XRCC4: variants seen among roughly 807,000 people sequenced by gnomAD.
XRCC4 encodes the protein X-ray repair cross complementing 4.
XRCC4 carries 28 observed loss-of-function variants against 39.1 expected under a neutral mutation model. That is an observed-to-expected ratio of 0.72 (90% CI 0.53 to 0.98). The LOEUF (loss-of-function observed/expected upper bound fraction) is 0.98, where lower values mean the gene tolerates loss of function less well. XRCC4 is among the 50% of genes least tolerant of loss of function. The probability of loss-of-function intolerance (pLI) is 0.00; values close to 1 mark genes in which losing one functional copy is unlikely to be tolerated. For synonymous variants in XRCC4, 123 were observed against 126.4 expected (o/e 0.97, Z 0.18); for missense variants, 350 against 376.4 (o/e 0.93, Z 0.58).
Position 83,283,024 on chromosome 5 carries a change from G to A in XRCC4, c.893+24347G>A, listed in dbSNP as rs1265264116. 8.4e-5 allele frequency among the ~76,000 whole-genome samples: 11 copies of A among 130,996 alleles called. No individual in the cohort carries two copies. The South Asian group carries it at 1.2e-3, about 14-fold the overall frequency. 85.9% of individuals were successfully genotyped at this position (130,996 alleles called of 152,430 possible). ...CTGTGTTTTCCATATTGTCTACAGC[G>A]AACATGGTACTTACTATAGCCAGAC... On this transcript the variant is annotated intron_variant, in intron 7 of 7. Transcript: ENST00000396027.
At chr5:83,122,482 A>C (rs1042888568) in intron 3 of XRCC4, among the ~76,000 whole-genome samples, 1 of 152,138 alleles carries the variant, frequency 6.6e-6, no homozygotes, top group South Asian at 2.1e-4. Context: ...CCTCCACCCC[A>C]AAAATTATCT....
At chr5:83,196,759 C>G (rs28360143) in intron 4 of XRCC4, among the ~76,000 whole-genome samples, 11,890 of 151,084 alleles carry the variant, frequency 0.079, 871 homozygotes, top group African/African-American at 0.19. Flanking sequence ...ATTAGTACAT[C>G]CAGTAGATTT....
chr5:83,138,224 CATT>C (rs1747993878), intron 3 of XRCC4, among the ~76,000 whole-genome samples: 1 of 152,136 alleles, frequency 6.6e-6, no homozygotes, highest in Admixed American at 6.5e-5. Context: ...TCAGAGCACA[CATT>C]ATATGTACCT....
At chr5:83,107,803 T>G (rs1746268970) in intron 2 of XRCC4, among the ~76,000 whole-genome samples, 1 of 151,952 alleles carries the variant, frequency 6.6e-6, no homozygotes, top group Non-Finnish European at 1.5e-5. Context: ...AAATATTTTT[T>G]GACTTATATG....
chr5:83,361,529 T>A, the XRCC4 span, among the ~76,000 whole-genome samples: 3 of 152,184 alleles, frequency 2.0e-5, no homozygotes, highest in Non-Finnish European at 4.4e-5. Context: ...TAGCAGAACT[T>A]ATTAAAAGTT....
chr5:83,207,758 G>A (rs1484042531), intron 6 of XRCC4, among the ~76,000 whole-genome samples: 2 of 151,966 alleles, frequency 1.3e-5, no homozygotes, highest in African/African-American at 4.8e-5. Flanking sequence ...TATGTTTTTA[G>A]TCCATGAGAG....
intron 7 of XRCC4, among the ~76,000 whole-genome samples, chr5:83,335,472 G>A (rs1391297401): frequency 3.9e-5 from 6 of 151,920 alleles, no homozygotes; most frequent in African/African-American, 1.4e-4. Flanking sequence ...CCTTCTGTAA[G>A]AGAAGATGTG....
chr5:83,144,017 A>C (rs1748310805), intron 3 of XRCC4, among the ~76,000 whole-genome samples: 1 of 151,996 alleles, frequency 6.6e-6, no homozygotes, highest in Non-Finnish European at 1.5e-5. Context: ...ATTAGTCTAC[A>C]TTCTACCCTA....
chr5:83,316,453 A>G (rs1256669300), intron 7 of XRCC4, among the ~76,000 whole-genome samples: 1 of 151,278 alleles, frequency 6.6e-6, no homozygotes, highest in Non-Finnish European at 1.5e-5. Context: ...GTATTCAGGA[A>G]ACCCATCTCA....
chr5:83,130,809 G>A (rs191849855), intron 3 of XRCC4, among the ~76,000 whole-genome samples: 35 of 152,158 alleles, frequency 2.3e-4, no homozygotes, highest in Non-Finnish European at 4.4e-4. Context: ...TGGGATCGTT[G>A]GTGATATCCC....
intron 4 of XRCC4, among the ~76,000 whole-genome samples, chr5:83,199,665 G>T (rs1403225394): frequency 6.6e-6 from 1 of 151,652 alleles, no homozygotes; most frequent in Non-Finnish European, 1.5e-5. Flanking sequence ...CTCCTAGTTT[G>T]TTATTGTTTT....
At chr5:83,233,070 A>G (rs943164073) in intron 6 of XRCC4, among the ~76,000 whole-genome samples, 2 of 152,178 alleles carry the variant, frequency 1.3e-5, no homozygotes, top group Non-Finnish European at 2.9e-5. Context: ...ACCATTTTTT[A>G]TGGGTGAACT....
rs569413325 is a variant in XRCC4 at position 83,123,718 on chromosome 5, A to G, written c.315+12515A>G. The stretch of plus-strand genomic sequence containing the variant: ...TTTATGCTATTTTTATGTTTGCTTT[A>G]GGGTTTATAGCATACATCTTTACCT... On this transcript the variant is annotated intron_variant, in intron 3 of 7. Coordinates refer to ENST00000396027, the MANE Select transcript of XRCC4 (RefSeq NM_003401.5). 2.4e-4 allele frequency among the ~76,000 whole-genome samples: 36 copies of G among 151,808 alleles called. No homozygotes were observed. In the South Asian group the frequency reaches 7.5e-3, roughly 32 times the overall value.
chr5:83,100,887 A>G (rs1305385068), intron 1 of XRCC4, among the ~76,000 whole-genome samples: 1 of 152,170 alleles, frequency 6.6e-6, no homozygotes, highest in Non-Finnish European at 1.5e-5. Context: ...TGTATTGACT[A>G]ATTGATCTAA....
At chr5:83,125,477 T>C (rs1304608699) in intron 3 of XRCC4, among the ~76,000 whole-genome samples, 1 of 152,224 alleles carries the variant, frequency 6.6e-6, no homozygotes, top group African/African-American at 2.4e-5. Context: ...GAGGTTGAGG[T>C]TCACTTTCTT....
chr5:83,091,111 T>A (rs1283598264), intron 1 of XRCC4, among the ~76,000 whole-genome samples: 1 of 152,184 alleles, frequency 6.6e-6, no homozygotes, highest in Non-Finnish European at 1.5e-5. Context: ...GACTTATTTC[T>A]CATATATAAC....
intron 1 of XRCC4, among the ~76,000 whole-genome samples, chr5:83,083,893 A>G (rs1745069882): frequency 6.6e-6 from 1 of 152,228 alleles, no homozygotes. Flanking sequence ...ATAATATTAG[A>G]TGTAACTCAA....
chr5:83,109,490 A>G (rs1746346880), intron 2 of XRCC4, among the ~76,000 whole-genome samples: 1 of 151,984 alleles, frequency 6.6e-6, no homozygotes, highest in Non-Finnish European at 1.5e-5. Flanking sequence ...GAAATTATAC[A>G]ACCATATGAG....
At chr5:83,373,593 A>G in the XRCC4 span, among the ~76,000 whole-genome samples, 1 of 152,208 alleles carries the variant, frequency 6.6e-6, no homozygotes, top group African/African-American at 2.4e-5. Context: ...TTTGAGTTCC[A>G]TAATGAGAAA....
Sources: gnomAD v4.1 joint callset for allele counts (sites outside exome capture counted in the v4.1 genomes callset) on GRCh38, gnomAD v4.1.1 for gene constraint, MANE v1.5 for transcripts, NCBI Gene and HGNC (gene_info 2026-07-23, HGNC 2026-07-21) for gene names.